Variants in SPAG9 observed in about 807,000 individuals in gnomAD.
The protein encoded by SPAG9 is C-Jun-amino-terminal kinase-interacting protein 4.
In SPAG9, 35 loss-of-function variants were observed where a neutral mutation model predicts 166.5. The observed-to-expected ratio is 0.21, with a 90% CI of 0.16 to 0.28. The LOEUF is 0.28. SPAG9 is among the 10% of genes least tolerant of loss of function. The pLI is 1.00. For missense variants in SPAG9, 1,235 were observed against 1,603.3 expected, an observed-to-expected ratio of 0.77 and a Z score of 3.92; for synonymous variants, 534 against 565.5, an observed-to-expected ratio of 0.94 and a Z score of 0.79.
At chr17:51,024,616 G>A (rs1298113642) in intron 6 of SPAG9, among the ~76,000 whole-genome samples, 3 of 151,726 alleles carry the variant, frequency 2.0e-5, no homozygotes, top group African/African-American at 7.3e-5. Flanking sequence ...GCGAGGCTGA[G>A]GCAGGAGAAT....
chr17:51,081,938 C>A (rs1352337797), intron 1 of SPAG9, among the ~76,000 whole-genome samples: 1 of 152,120 alleles, frequency 6.6e-6, no homozygotes, highest in Non-Finnish European at 1.5e-5. Flanking sequence ...GTTCCTCAAA[C>A]ACTTCAAGCC....
chr17:51,034,703 T>C (rs2046518755), intron 5 of SPAG9, among the ~76,000 whole-genome samples: 1 of 152,168 alleles, frequency 6.6e-6, no homozygotes, highest in Non-Finnish European at 1.5e-5. Context: ...AAATAACTAT[T>C]AGCAATATTT....
intron 1 of SPAG9, among the ~76,000 whole-genome samples, chr17:51,096,705 G>A (rs1047423401): frequency 5.3e-5 from 8 of 152,086 alleles, no homozygotes; most frequent in Non-Finnish European, 1.0e-4. Context: ...ATACACAGCA[G>A]TTAAAAGGAA....
At chr17:50,972,171 G>A (rs1973873328) in intron 28 of SPAG9, among the ~76,000 whole-genome samples, 1 of 152,170 alleles carries the variant, frequency 6.6e-6, no homozygotes, top group African/African-American at 2.4e-5. Flanking sequence ...TGGAATTACA[G>A]GTGTGAGCCA....
intron 22 of SPAG9, among the ~76,000 whole-genome samples, chr17:50,986,721 G>T (rs1975076506): frequency 6.6e-6 from 1 of 152,128 alleles, no homozygotes; most frequent in Non-Finnish European, 1.5e-5. Flanking sequence ...TAAAAGTTGG[G>T]ATTGGGCCTT....
chr17:50,992,168 G>T (rs150468707), intron 19 of SPAG9, among the ~76,000 whole-genome samples: 169 of 151,910 alleles, frequency 1.1e-3, no homozygotes, highest in African/African-American at 3.9e-3. Flanking sequence ...GATTATGAGT[G>T]TGAACCTCCA....
intron 9 of SPAG9, among the ~76,000 whole-genome samples, chr17:51,008,478 T>C (rs374929941): frequency 5.3e-5 from 8 of 151,906 alleles, no homozygotes; most frequent in East Asian, 3.8e-4. Context: ...GTAATAATCA[T>C]AACCCAAGTA....
intron 27 of SPAG9, chr17:50,975,788 C>T: frequency 9.3e-7 from 1 of 1,073,028 alleles, no homozygotes; most frequent in Non-Finnish European, 1.4e-6. Flanking sequence ...AGAGGGTATT[C>T]TAGAGGAGTG....
chr17:51,030,275 C>G (rs2046335464), intron 6 of SPAG9, among the ~76,000 whole-genome samples: 1 of 152,138 alleles, frequency 6.6e-6, no homozygotes, highest in Non-Finnish European at 1.5e-5. Flanking sequence ...GTTCAACTTA[C>G]AGACACTACA....
At chr17:50,994,473 T>C (rs1407499820) in intron 18 of SPAG9, among the ~76,000 whole-genome samples, 1 of 152,112 alleles carries the variant, frequency 6.6e-6, no homozygotes, top group Non-Finnish European at 1.5e-5. Context: ...GCAGTTAGGC[T>C]GGCACAGTGG....
chr17:51,041,435 A>C, intron 5 of SPAG9, 66 bp downstream of exon 5: 3 of 1,448,742 alleles, frequency 2.1e-6, no homozygotes, highest in Non-Finnish European at 2.8e-6. Context: ...GTCGTCTAGC[A>C]CTTCAATTAG....
intron 2 of SPAG9, among the ~76,000 whole-genome samples, chr17:51,069,977 C>T (rs560335406): frequency 1.3e-5 from 2 of 152,104 alleles, no homozygotes; most frequent in East Asian, 3.9e-4. Context: ...AAAATCACAG[C>T]CACGGGTGCA....
chr17:51,053,877 ATATATATATATATATATATAT>A (rs1568045097), intron 3 of SPAG9, among the ~76,000 whole-genome samples: 1 of 105,132 alleles, frequency 9.5e-6, no homozygotes, highest in East Asian at 2.7e-4. Flanking sequence ...ATATATATAT[ATATATATATATATATATATAT>A]AAAACATATA....
chr17:51,053,852 AAAG>A (rs1298814817), intron 3 of SPAG9, among the ~76,000 whole-genome samples: 537 of 49,228 alleles, frequency 0.011, 11 homozygotes, highest in East Asian at 0.022. Context: ...AAAAAAAAAA[AAAG>A]TATATATATA....
chr17:51,054,411 C>G (rs932577781), intron 3 of SPAG9, among the ~76,000 whole-genome samples: 1 of 150,724 alleles, frequency 6.6e-6, no homozygotes, highest in Non-Finnish European at 1.5e-5. Context: ...GCATGAGCCA[C>G]TGCTCCCAGC....
chr17:50,967,471 T>C (rs1973448197), intron 29 of SPAG9, among the ~76,000 whole-genome samples: 1 of 152,228 alleles, frequency 6.6e-6, no homozygotes, highest in Admixed American at 6.5e-5. Context: ...AATGGCCTTT[T>C]CACAGCAATA....
chr17:51,001,082 TA>T (rs1446453140), intron 13 of SPAG9, among the ~76,000 whole-genome samples: 2 of 152,204 alleles, frequency 1.3e-5, no homozygotes, highest in Admixed American at 1.3e-4. Flanking sequence ...AATGTGTTCA[TA>T]AACTTAAAAA....
intron 9 of SPAG9, among the ~76,000 whole-genome samples, chr17:51,010,582 AATATATATATAT>A (rs994068022): frequency 7.7e-6 from 1 of 130,644 alleles, no homozygotes; most frequent in African/African-American, 2.9e-5. Flanking sequence ...AAAAAAAAAA[AATATATATATAT>A]ATATATACAT....
At chr17:51,042,386 G>A (rs769249920) in intron 4 of SPAG9, 7 of 152,092 alleles carry the variant, frequency 4.6e-5, no homozygotes, top group East Asian at 1.9e-4. Context: ...GAATTTCAAC[G>A]AGAAACACAT....
Sources: gnomAD v4.1 joint callset for allele counts (sites outside exome capture counted in the v4.1 genomes callset) on GRCh38, gnomAD v4.1.1 for gene constraint, MANE v1.5 for transcripts, NCBI Gene and HGNC (gene_info 2026-07-23, HGNC 2026-07-21) for gene names.